The following TENT5C variants were observed in gnomAD, a reference collection of about 807,000 sequenced individuals.
TENT5C encodes terminal nucleotidyltransferase 5C, also known as family with sequence similarity 46 member C.
In TENT5C, 5 loss-of-function variants were observed where a neutral mutation model predicts 22.2. That is an observed-to-expected ratio of 0.22 (90% CI 0.12 to 0.47). The LOEUF (loss-of-function observed/expected upper bound fraction) is 0.47. TENT5C is among the 20% of genes least tolerant of loss of function. The pLI is 0.99. For synonymous variants in TENT5C, 199 were observed against 195.4 expected, an observed-to-expected ratio of 1.02 and a Z score of -0.15; for missense variants, 364 against 500.9, an observed-to-expected ratio of 0.73 and a Z score of 2.61.
Position 117,627,408 on chromosome 1 carries a change from C to T in TENT5C, c.*3364C>T, listed in dbSNP as rs1654035467. 1 of 248,116 alleles carries T rather than the reference C, an allele frequency of 4.0e-6. No individual in the cohort carries two copies. The highest frequency in any genetic ancestry group is 1.8e-4 in the South Asian group (1 of 5,534). The allele number at this position is 248,116 out of a possible 1,614,324, so 15.4% of individuals were successfully genotyped here. A position where few individuals can be genotyped will look rare whatever the true frequency, so the allele number is the denominator to read the frequency against. On this transcript the variant is annotated 3_prime_UTR_variant, in exon 2 of 2. Coordinates refer to ENST00000369448, the MANE Select transcript of TENT5C (RefSeq NM_017709.4). ...GGGAAATGGTGCCACTCAAAAGCAA[C>T]TTCCTAACTTGAGGAATAACTCCTT...
In TENT5C at chr1:117,624,543, G is replaced by A. The variant is rs948332248; in HGVS notation, c.*499G>A. The stretch of plus-strand genomic sequence containing the variant: ...GGCAGAAAATGGTAAACATGAGGGT[G>A]CTCTTGTGACTTAATTTTTGTTCAA... On this transcript the variant is annotated 3_prime_UTR_variant, in exon 2 of 2. Transcript: ENST00000369448. 3 of 249,452 alleles carry A rather than the reference G, an allele frequency of 1.2e-5. No individual in the cohort carries two copies. The highest frequency in any genetic ancestry group is 2.2e-5 in the African/African-American group (1 of 45,348). 15.5% of individuals were successfully genotyped at this position (249,452 alleles called of 1,614,324 possible).
At chr1:117,620,884 G>A (rs140394252) in intron 1 of TENT5C, among the ~76,000 whole-genome samples, 1 of 152,146 alleles carries the variant, frequency 6.6e-6, no homozygotes, top group African/African-American at 2.4e-5. Flanking sequence ...CCACAAAACT[G>A]GTTCCTGATA....
chr1:117,608,763 C>CTT lies in TENT5C; in HGVS notation c.-28+2625_-28+2626dup, dbSNP rs5777320. 9.2e-3 allele frequency among the ~76,000 whole-genome samples: 1,280 copies of CTT among 138,772 alleles called. 25 individuals are homozygous for CTT. The highest frequency in any genetic ancestry group is 0.029 in the African/African-American group (1,113 of 37,786). The allele number at this position is 138,772 out of a possible 152,430, so 91.0% of individuals were successfully genotyped here. A position where few individuals can be genotyped will look rare whatever the true frequency, so the allele number is the denominator to read the frequency against. ...AAGGCTCTCAGTGGATGAGTTGAACCTTTTTTTTTTTTTTTTGCATTACTG... is the reference window on the plus strand; with the variant it reads ...AAGGCTCTCAGTGGATGAGTTGAACCTTTTTTTTTTTTTTTTTTGCATTACTG... On this transcript the variant is annotated intron_variant, in intron 1 of 1. Coordinates refer to ENST00000369448, the MANE Select transcript of TENT5C (RefSeq NM_017709.4).
At chr1:117,606,858 G>C (rs901391241) in intron 1 of TENT5C, among the ~76,000 whole-genome samples, 1 of 152,220 alleles carries the variant, frequency 6.6e-6, no homozygotes, top group Non-Finnish European at 1.5e-5. Context: ...CCAGTGACTT[G>C]TGCGCTGCGC....
Position 117,626,776 on chromosome 1 carries a change from A to T in TENT5C, c.*2732A>T, listed in dbSNP as rs1654022840. On this transcript the variant is annotated 3_prime_UTR_variant, in exon 2 of 2. Transcript: ENST00000369448. ...CACTGAAGTTCACATGCAAGTTCTA[A>T]TCTAAAGTTAAGCAGTCTCTTATTT... 1 of 248,034 alleles carries T rather than the reference A, an allele frequency of 4.0e-6. No individual in the cohort carries two copies. The highest frequency in any genetic ancestry group is 1.8e-4 in the South Asian group (1 of 5,530). 15.4% of individuals were successfully genotyped at this position (248,034 alleles called of 1,614,324 possible).
intron 1 of TENT5C, among the ~76,000 whole-genome samples, chr1:117,612,646 G>A (rs1653694850): frequency 6.6e-6 from 1 of 152,176 alleles, no homozygotes; most frequent in Non-Finnish European, 1.5e-5. Flanking sequence ...CAACTCCTAA[G>A]GGAAGGATCC....
intron 1 of TENT5C, among the ~76,000 whole-genome samples, chr1:117,608,385 C>T (rs1262009692): frequency 6.6e-6 from 1 of 152,096 alleles, no homozygotes; most frequent in Non-Finnish European, 1.5e-5. Flanking sequence ...TCCAGAGGCC[C>T]GTCCCCCCTC....
intron 1 of TENT5C, among the ~76,000 whole-genome samples, chr1:117,614,770 C>T (rs1653746327): frequency 6.6e-6 from 1 of 152,148 alleles, no homozygotes; most frequent in Admixed American, 6.5e-5. Flanking sequence ...TCAGGATCAG[C>T]CCATTCCTGA....
intron 1 of TENT5C, among the ~76,000 whole-genome samples, chr1:117,612,523 AAGTC>A (rs143811622): frequency 0.27 from 40,692 of 151,858 alleles, 5,548 homozygotes; most frequent in Admixed American, 0.33. Flanking sequence ...CATTCAAGTC[AAGTC>A]AAAGTGTTTG....
chr1:117,622,918 T>TC lies in TENT5C; in HGVS notation c.51dup (p.Asn18GlnfsTer6). 6.2e-7 allele frequency: 1 copy of TC among 1,614,164 alleles called. No homozygotes were observed. The highest frequency in any genetic ancestry group is 8.5e-7 in the Non-Finnish European group (1 of 1,179,994). ...AGGGATTGCATGTCCTTCAGCGTGC[T>TC]CAACTGGGATCAGGTTAGCCGGCTG... On this transcript the variant is annotated frameshift_variant, in exon 2 of 2. Transcript: ENST00000369448. LOFTEE classifies it high-confidence loss of function.
At position 117,624,151 on chromosome 1, in the gene TENT5C, A is replaced by C; in HGVS notation, c.*107A>C. Reference sequence around the variant, plus strand: ...GCATTTGGCTTTTAAAGGGGAACTCAGCTCTGATTCTGCTTTTTTTTTTTT... The same window carrying C: ...GCATTTGGCTTTTAAAGGGGAACTCCGCTCTGATTCTGCTTTTTTTTTTTT... On this transcript the variant is annotated 3_prime_UTR_variant, in exon 2 of 2. Transcript: ENST00000369448. 1.1e-5 allele frequency: 10 copies of C among 875,900 alleles called. No homozygotes were observed. The highest frequency in any genetic ancestry group is 1.7e-5 in the Non-Finnish European group (10 of 581,314). The allele number at this position is 875,900 out of a possible 1,614,324, so 54.3% of individuals were successfully genotyped here.
Position 117,624,596 on chromosome 1 carries a change from T to A in TENT5C, c.*552T>A, listed in dbSNP as rs530048842. On this transcript the variant is annotated 3_prime_UTR_variant, in exon 2 of 2. Coordinates refer to ENST00000369448, the MANE Select transcript of TENT5C (RefSeq NM_017709.4). ...GACTAAATTGCTTATGTTTATTCCC[T>A]GTCAGCGGAGTGGAGAATGTCATTC... The A allele has an allele frequency of 4.0e-5, 10 of 248,616 alleles. No homozygotes were observed. Among genetic ancestry groups the A allele is most frequent in the Non-Finnish European group, 8.4e-5 (10 of 118,598 alleles). 15.4% of individuals were successfully genotyped at this position (248,616 alleles called of 1,614,324 possible).
intron 1 of TENT5C, among the ~76,000 whole-genome samples, chr1:117,622,425 A>C (rs973814658): frequency 6.6e-6 from 1 of 151,510 alleles, no homozygotes; most frequent in African/African-American, 2.4e-5. Flanking sequence ...TCTCTTTTTC[A>C]CTATAAGACA....
chr1:117,610,883 TTTGA>T (rs1307696297), intron 1 of TENT5C, among the ~76,000 whole-genome samples: 6 of 152,204 alleles, frequency 3.9e-5, no homozygotes, highest in African/African-American at 7.2e-5. Context: ...AATTTTTATC[TTTGA>T]TTGAATAAGC....
At chr1:117,621,945 G>A (rs1308416394) in intron 1 of TENT5C, among the ~76,000 whole-genome samples, 2 of 152,170 alleles carry the variant, frequency 1.3e-5, no homozygotes, top group Non-Finnish European at 2.9e-5. Flanking sequence ...TTTTCTCCTA[G>A]TACTCATTGC....
chr1:117,624,673 T>C lies in TENT5C; in HGVS notation c.*629T>C, dbSNP rs1653972742. The stretch of plus-strand genomic sequence containing the variant: ...AGAATTGAGATCTGGTTGAAAGTGG[T>C]TTATGGTTTACATGCTGTACTATCC... On this transcript the variant is annotated 3_prime_UTR_variant, in exon 2 of 2. Coordinates refer to ENST00000369448, the MANE Select transcript of TENT5C (RefSeq NM_017709.4). 4.0e-6 allele frequency: 1 copy of C among 248,196 alleles called. No homozygotes were observed. The highest frequency in any genetic ancestry group is 8.5e-6 in the Non-Finnish European group (1 of 118,228). 15.4% of individuals were successfully genotyped at this position (248,196 alleles called of 1,614,324 possible). A position where few individuals can be genotyped will look rare whatever the true frequency, so the allele number is the denominator to read the frequency against.
rs1285618427 is a variant in TENT5C, at chr1:117,617,406, G to A, written c.-27-5436G>A. 2.7e-5 allele frequency among the ~76,000 whole-genome samples: 4 copies of A among 146,362 alleles called. No individual in the cohort carries two copies. The East Asian group carries it at 7.9e-4, about 29-fold the overall frequency. ...CTCTTTTTTTTTTTTTCCCTTCAGT[G>A]TGTGTATTCTACCTTTACTGCAGTC... is the stretch of plus-strand genomic sequence containing the variant. On this transcript the variant is annotated intron_variant, in intron 1 of 1. Coordinates refer to ENST00000369448, the MANE Select transcript of TENT5C (RefSeq NM_017709.4).
intron 1 of TENT5C, among the ~76,000 whole-genome samples, chr1:117,606,487 T>TG (rs1028739089): frequency 3.9e-5 from 6 of 152,308 alleles, no homozygotes; most frequent in African/African-American, 1.4e-4. Flanking sequence ...GGCTGCGCGC[T>TG]GGCCAGGCGC....
At position 117,624,203 on chromosome 1, in the gene TENT5C, G is replaced by C; in HGVS notation, c.*159G>C. On this transcript the variant is annotated 3_prime_UTR_variant, in exon 2 of 2. Transcript: ENST00000369448. ...TTTCCTTTGTGTACCCATTGGAATGGGTCTACAGTGTATCATGAGCCAACC... is the reference window on the plus strand; with the variant it reads ...TTTCCTTTGTGTACCCATTGGAATGCGTCTACAGTGTATCATGAGCCAACC... The C allele has an allele frequency of 1.5e-6, 1 of 654,034 alleles. No individual in the cohort carries two copies. The highest frequency in any genetic ancestry group is 2.1e-5 in the South Asian group (1 of 47,226). The allele number at this position is 654,034 out of a possible 1,614,324, so 40.5% of individuals were successfully genotyped here. A position where few individuals can be genotyped will look rare whatever the true frequency, so the allele number is the denominator to read the frequency against.
Sources: allele counts gnomAD v4.1 joint callset (sites outside exome capture counted in the v4.1 genomes callset), GRCh38; gene constraint gnomAD v4.1.1; transcripts MANE v1.5; gene names NCBI Gene and HGNC (gene_info 2026-07-23, HGNC 2026-07-21).